SGK1: variants seen among roughly 807,000 people sequenced by gnomAD.
The protein encoded by SGK1 is serum/glucocorticoid regulated kinase 1.
Under a neutral mutation model 64.2 loss-of-function variants are expected in SGK1, and 26 were observed. The observed-to-expected ratio is 0.40, with a 90% CI of 0.30 to 0.56. The LOEUF (loss-of-function observed/expected upper bound fraction) is 0.56. Among genes scored for constraint, SGK1 ranks in the 20% least tolerant of loss-of-function variants. SGK1 has a pLI of 0.38. For synonymous variants in SGK1, 265 were observed against 239.7 expected (o/e 1.11, Z -0.98); for missense variants, 519 against 645.6 (o/e 0.80, Z 2.12).
At chr6:134,251,850 G>T (rs1776610183) in intron 2 of SGK1, among the ~76,000 whole-genome samples, 1 of 152,094 alleles carries the variant, frequency 6.6e-6, no homozygotes, top group Non-Finnish European at 1.5e-5. Flanking sequence ...AATCTCCCAG[G>T]CTCAAGCAAT....
Position 134,172,725 on chromosome 6 carries a change from C to A in SGK1, c.884G>T (p.Arg295Leu). 6.2e-7 allele frequency: 1 copy of A among 1,614,110 alleles called. No individual in the cohort carries two copies. The highest frequency in any genetic ancestry group is 8.5e-7 in the Non-Finnish European group (1 of 1,179,982). Residue 295 changes from arginine to leucine, a missense_variant, in exon 9 of 14, where the codon CGT (arginine) becomes CTT (leucine). Arg to Leu is a moderately radical substitution (Grantham distance 102). This residue lies in a region of SGK1 where 278 missense variants were observed against 408.7 expected (regional missense o/e 0.68). Transcript: ENST00000367858. ...RERCFLEPRA[R>L]FYAAEIASAL... Reference sequence around the variant, plus strand: ...ACTGGCTATTTCAGCAGCATAGAAACGAGCCCGTGGTTCCAGGAAGCAGCG... The same window carrying A: ...ACTGGCTATTTCAGCAGCATAGAAAAGAGCCCGTGGTTCCAGGAAGCAGCG...
rs55961271 is a variant in SGK1 at position 134,213,615 on chromosome 6, AAAAT to A, written c.286-6188_286-6185del. 2.9e-4 allele frequency among the ~76,000 whole-genome samples: 36 copies of A among 123,004 alleles called. 1 individual carries two copies. Among genetic ancestry groups the A allele is most frequent in the Admixed American group, 1.4e-3 (18 of 12,630 alleles). 80.7% of individuals were successfully genotyped at this position (123,004 alleles called of 152,430 possible). On this transcript the variant is annotated intron_variant, in intron 2 of 13. Transcript: ENST00000367858. The stretch of plus-strand genomic sequence containing the variant: ...GGTGACAAGAGCAAAACTCTGTCTC[AAAAT>A]AAATAAATAAATAAATAAATAAATA...
At chr6:134,267,727 A>T (rs1397707035) in intron 1 of SGK1, among the ~76,000 whole-genome samples, 1 of 152,206 alleles carries the variant, frequency 6.6e-6, no homozygotes, top group Non-Finnish European at 1.5e-5. Flanking sequence ...ATGAGCCAGG[A>T]TACTATCGGA....
At chr6:134,280,864 C>T (rs1490425590) in intron 1 of SGK1, among the ~76,000 whole-genome samples, 1 of 152,132 alleles carries the variant, frequency 6.6e-6, no homozygotes, top group African/African-American at 2.4e-5. Flanking sequence ...GTCAGGAGTT[C>T]AAGGCCAGCC....
chr6:134,182,390 T>G (rs1033678807), intron 3 of SGK1, among the ~76,000 whole-genome samples: 2 of 149,320 alleles, frequency 1.3e-5, no homozygotes, highest in Non-Finnish European at 3.0e-5. Flanking sequence ...CTACTAAAAA[T>G]ACAAAAATTA....
intron 2 of SGK1, among the ~76,000 whole-genome samples, chr6:134,215,565 C>T (rs956804010): frequency 6.6e-6 from 1 of 152,090 alleles, no homozygotes; most frequent in Non-Finnish European, 1.5e-5. Context: ...TCTAGTTCAT[C>T]CTTATTTAAA....
At chr6:134,179,921 C>G (rs1186336696) in intron 3 of SGK1, among the ~76,000 whole-genome samples, 1 of 152,068 alleles carries the variant, frequency 6.6e-6, no homozygotes, top group Non-Finnish European at 1.5e-5. Context: ...AGTGGGAATA[C>G]TTGACATGGG....
intron 1 of SGK1, among the ~76,000 whole-genome samples, chr6:134,313,009 G>T (rs1218171698): frequency 6.6e-6 from 1 of 152,166 alleles, no homozygotes; most frequent in Non-Finnish European, 1.5e-5. Context: ...CTGACTTTAA[G>T]TGATCTGCCT....
intron 1 of SGK1, among the ~76,000 whole-genome samples, chr6:134,301,537 TCTTCTCTTC>T (rs1562279091): frequency 1.5e-4 from 3 of 20,196 alleles, no homozygotes; most frequent in African/African-American, 1.0e-3. Context: ...TCTTTTCTTC[TCTTCTCTTC>T]TCTTCTCTTC....
intron 3 of SGK1, chr6:134,175,734 C>T (rs901436452): frequency 3.6e-6 from 5 of 1,370,814 alleles, no homozygotes; most frequent in Non-Finnish European, 4.7e-6. Context: ...AAGGAGCCGC[C>T]GTGACTCAGG....
At chr6:134,253,725 T>C (rs988980994) in intron 2 of SGK1, among the ~76,000 whole-genome samples, 1 of 152,138 alleles carries the variant, frequency 6.6e-6, no homozygotes, top group African/African-American at 2.4e-5. Context: ...TCCTCCTTTG[T>C]AAAGGAGGAA....
intron 2 of SGK1, among the ~76,000 whole-genome samples, chr6:134,251,393 T>C (rs937433442): frequency 6.6e-6 from 1 of 152,162 alleles, no homozygotes; most frequent in Non-Finnish European, 1.5e-5. Flanking sequence ...CCATATGGTT[T>C]CTGGGAAGGA....
intron 8 of SGK1, 117 bp from the exon 9 acceptor site, chr6:134,172,891 T>G: frequency 8.0e-7 from 1 of 1,255,458 alleles, no homozygotes; most frequent in Middle Eastern, 1.9e-4. Flanking sequence ...ACTATAAACC[T>G]GACAGGTTGA....
chr6:134,186,260 A>G (rs1775421821), intron 3 of SGK1, among the ~76,000 whole-genome samples: 1 of 152,232 alleles, frequency 6.6e-6, no homozygotes, highest in African/African-American at 2.4e-5. Context: ...AACAGAAAAC[A>G]TACCAGTCCC....
chr6:134,201,156 G>A (rs1002016279), intron 3 of SGK1, among the ~76,000 whole-genome samples: 3 of 150,162 alleles, frequency 2.0e-5, no homozygotes, highest in African/African-American at 4.9e-5. Flanking sequence ...TGCCTCCTGG[G>A]TTCACGCCAT....
intron 2 of SGK1, among the ~76,000 whole-genome samples, chr6:134,229,115 G>A (rs1471602802): frequency 1.3e-5 from 2 of 152,262 alleles, no homozygotes; most frequent in Non-Finnish European, 2.9e-5. Context: ...ACAGGCGTGA[G>A]CCACCGCGCC....
chr6:134,300,885 C>T (rs971759701), intron 1 of SGK1, among the ~76,000 whole-genome samples: 4 of 152,000 alleles, frequency 2.6e-5, no homozygotes, highest in African/African-American at 9.7e-5. Context: ...CTACCCGCCT[C>T]GGCCTCCCAA....
intron 2 of SGK1, among the ~76,000 whole-genome samples, chr6:134,229,025 A>C (rs1467186043): frequency 6.6e-6 from 1 of 152,078 alleles, no homozygotes; most frequent in Non-Finnish European, 1.5e-5. Context: ...TTGTATTTTT[A>C]GTAGAGACGG....
intron 3 of SGK1, chr6:134,177,540 C>A: frequency 2.6e-6 from 2 of 774,778 alleles, no homozygotes; most frequent in Non-Finnish European, 2.1e-6. Context: ...TGTTTTCAAA[C>A]ATTAAATTAA....
Sources: allele counts gnomAD v4.1 joint callset (sites outside exome capture counted in the v4.1 genomes callset), GRCh38; gene constraint gnomAD v4.1.1; regional missense constraint gnomAD v4.1.1; transcripts MANE v1.5; gene names NCBI Gene and HGNC (gene_info 2026-07-23, HGNC 2026-07-21).